Variants in SNX29 observed in about 807,000 individuals in gnomAD.
SNX29 encodes the protein sorting nexin-29.
SNX29 carries 78 observed loss-of-function variants against 102.1 expected under a neutral mutation model. That is an observed-to-expected ratio of 0.76 (90% CI 0.64 to 0.92). The LOEUF is 0.92. SNX29 is among the 40% of genes least tolerant of loss of function. The pLI is 0.00. For synonymous variants in SNX29, 580 were observed against 414.5 expected, an observed-to-expected ratio of 1.40 and a Z score of -4.85; for missense variants, 1,280 against 1,061.7, an observed-to-expected ratio of 1.21 and a Z score of -2.86.
chr16:12,519,471 T>C (rs1177982354), intron 19 of SNX29, among the ~76,000 whole-genome samples: 1 of 152,236 alleles, frequency 6.6e-6, no homozygotes, highest in African/African-American at 2.4e-5. Flanking sequence ...TCATCATTAA[T>C]TTTGTTACAG....
rs544823341 is a variant in SNX29 at position 12,389,366 on chromosome 16, C to T, written c.1900-9080C>T. Among the ~76,000 whole-genome samples, 414 of 152,162 alleles carry T rather than the reference C, an allele frequency of 2.7e-3. 3 individuals carry two copies. Among genetic ancestry groups the T allele is most frequent in the African/African-American group, 9.1e-3 (379 of 41,486 alleles). On this transcript the variant is annotated intron_variant, in intron 16 of 20. Coordinates refer to ENST00000566228, the MANE Select transcript of SNX29 (RefSeq NM_032167.5). ...GTGGGAAATAATCGAATCACGGGGGCGGTTTCCTCCCATACTGTTCTCATG... is the reference window on the plus strand; with the variant it reads ...GTGGGAAATAATCGAATCACGGGGGTGGTTTCCTCCCATACTGTTCTCATG...
intron 20 of SNX29, among the ~76,000 whole-genome samples, chr16:12,555,344 ATGT>A (rs1346288639): frequency 4.0e-5 from 6 of 151,862 alleles, no homozygotes; most frequent in African/African-American, 1.5e-4. Context: ...CCTGAGAAAC[ATGT>A]TGGTTAACTT....
intron 15 of SNX29, among the ~76,000 whole-genome samples, chr16:12,307,363 A>G (rs2151120439): frequency 6.6e-6 from 1 of 152,320 alleles, no homozygotes; most frequent in South Asian, 2.1e-4. Context: ...AGAGAACTGT[A>G]TCCTCCAGTA....
intron 4 of SNX29, among the ~76,000 whole-genome samples, chr16:12,032,829 C>T (rs550481131): frequency 1.6e-4 from 24 of 151,948 alleles, no homozygotes; most frequent in Non-Finnish European, 3.1e-4. Context: ...CATCCTTCCA[C>T]ATCCTTGCCA....
At chr16:12,525,331 A>AT (rs1336244086) in intron 20 of SNX29, among the ~76,000 whole-genome samples, 2 of 131,722 alleles carry the variant, frequency 1.5e-5, no homozygotes, top group Non-Finnish European at 3.3e-5. Flanking sequence ...GAAAAAAGTA[A>AT]AAAAAAAAAA....
rs735809 is a variant in SNX29, at chr16:12,355,479, T to C, written c.1783-684T>C. ...TGGGAAGGTTAGGGAGCTAGGGGTC[T>C]AGATAAGGATCTGCCTGACCTCGCA... On this transcript the variant is annotated intron_variant, in intron 15 of 20. Transcript: ENST00000566228. Among the ~76,000 whole-genome samples the C allele has an allele frequency of 5.3e-3, 804 of 152,300 alleles. 35 individuals carry two copies. The East Asian group carries it at 0.1, about 20-fold the overall frequency.
At chr16:12,307,685 C>T (rs572346975) in intron 15 of SNX29, among the ~76,000 whole-genome samples, 11 of 152,188 alleles carry the variant, frequency 7.2e-5, no homozygotes, top group Non-Finnish European at 1.3e-4. Context: ...CCTGGAATGG[C>T]GTGGAGAATC....
intron 20 of SNX29, among the ~76,000 whole-genome samples, chr16:12,539,831 C>G (rs547752377): frequency 6.6e-6 from 1 of 152,300 alleles, no homozygotes; most frequent in East Asian, 1.9e-4. Context: ...AACACATCCT[C>G]TTTGGGGAAG....
intron 14 of SNX29, among the ~76,000 whole-genome samples, chr16:12,214,722 G>C (rs2142064603): frequency 6.6e-6 from 1 of 152,052 alleles, no homozygotes; most frequent in African/African-American, 2.4e-5. Flanking sequence ...TCTTCCCTGT[G>C]GGGTGCCTTC....
At chr16:12,354,961 C>T (rs945478930) in intron 15 of SNX29, among the ~76,000 whole-genome samples, 2 of 152,168 alleles carry the variant, frequency 1.3e-5, no homozygotes, top group South Asian at 2.1e-4. Context: ...GGTTTGAAAG[C>T]GTCTGTACCT....
At chr16:12,540,708 A>C (rs191180872) in intron 20 of SNX29, among the ~76,000 whole-genome samples, 1 of 152,168 alleles carries the variant, frequency 6.6e-6, no homozygotes, top group African/African-American at 2.4e-5. Flanking sequence ...ACATATGAAG[A>C]CGCTCCAGGG....
intron 20 of SNX29, among the ~76,000 whole-genome samples, chr16:12,561,461 C>T (rs899076660): frequency 1.4e-4 from 22 of 152,076 alleles, no homozygotes; most frequent in African/African-American, 2.4e-5. Flanking sequence ...AAAGGCAGCT[C>T]CTAGTAAGTG....
intron 15 of SNX29, among the ~76,000 whole-genome samples, chr16:12,314,081 G>A (rs533673837): frequency 6.6e-6 from 1 of 152,350 alleles, no homozygotes; most frequent in East Asian, 1.9e-4. Flanking sequence ...CAACTGTTGG[G>A]CTCAGGTGAT....
intron 10 of SNX29, among the ~76,000 whole-genome samples, chr16:12,075,873 G>A (rs1341794183): frequency 6.6e-6 from 1 of 152,214 alleles, no homozygotes; most frequent in Non-Finnish European, 1.5e-5. Flanking sequence ...GGCAATGGTG[G>A]GTGCCCCTCC....
intron 20 of SNX29, among the ~76,000 whole-genome samples, chr16:12,542,749 C>T (rs548300748): frequency 0.045 from 6,848 of 151,202 alleles, 265 homozygotes; most frequent in East Asian, 0.18. Context: ...AAGCACTAGA[C>T]TATCACTGCC....
chr16:12,070,832 C>G (rs571514068), intron 10 of SNX29, among the ~76,000 whole-genome samples: 4 of 152,116 alleles, frequency 2.6e-5, no homozygotes, highest in African/African-American at 4.8e-5. Flanking sequence ...CATCCAGCAC[C>G]TTTTGTTTCC....
At chr16:12,087,980 C>G (rs1010287768) in intron 11 of SNX29, 2 of 456,570 alleles carry the variant, frequency 4.4e-6, no homozygotes, top group African/African-American at 4.0e-5. Flanking sequence ...ATGGCTAGAC[C>G]CTGTGCAGGG....
intron 18 of SNX29, among the ~76,000 whole-genome samples, chr16:12,411,541 A>C (rs1488223466): frequency 4.6e-5 from 7 of 152,174 alleles, no homozygotes; most frequent in Admixed American, 4.6e-4. Context: ...TTATCTTTCC[A>C]AATAGGAAGA....
intron 16 of SNX29, among the ~76,000 whole-genome samples, chr16:12,380,018 A>G (rs546740174): frequency 5.9e-5 from 9 of 151,892 alleles, no homozygotes. Flanking sequence ...CTGGTATATG[A>G]CCTCTTGGTG....
Sources: gnomAD v4.1 joint callset for allele counts (sites outside exome capture counted in the v4.1 genomes callset) on GRCh38, gnomAD v4.1.1 for gene constraint, MANE v1.5 for transcripts, NCBI Gene and HGNC (gene_info 2026-07-23, HGNC 2026-07-21) for gene names.